Variants in CASP14 observed in about 807,000 individuals in gnomAD.
CASP14 encodes caspase 14.
In CASP14, 27 loss-of-function variants were observed where a neutral mutation model predicts 28.4. The observed-to-expected ratio is 0.95, with a 90% CI of 0.70 to 1.31. CASP14 has a LOEUF of 1.31. CASP14 is among the 50% of genes most tolerant of loss of function. The pLI, the probability that CASP14 is intolerant of heterozygous loss-of-function variation, is 0.00. For missense variants in CASP14, 323 were observed against 312.8 expected (o/e 1.03, Z -0.25); for synonymous variants, 115 against 118.6 (o/e 0.97, Z 0.20).
chr19:15,053,525 G>C lies in CASP14; in HGVS notation c.71G>C (p.Cys24Ser). 1.2e-6 allele frequency: 2 copies of C among 1,614,118 alleles called. No individual in the cohort carries two copies. The highest frequency in any genetic ancestry group is 2.7e-5 in the African/African-American group (2 of 75,022). Residue 24 changes from cysteine (C) to serine (S), a missense_variant, in exon 3 of 7, where the codon TGT (cysteine) becomes TCT (serine). Physicochemically the swap from Cys to Ser is moderately radical, Grantham distance 112 (BLOSUM62 -1). Transcript: ENST00000427043. ...GGTGCCCGCCTGGCCCTAATACTGT[G>C]TGTCACCAAAGCCCGGGAAGGTTCC... Reference protein sequence around the residue: ...MSGARLALILCVTKAREGSEE... With the variant: ...MSGARLALILSVTKAREGSEE...
At chr19:15,054,341 G>A (rs2046105768) in intron 4 of CASP14, among the ~76,000 whole-genome samples, 1 of 152,214 alleles carries the variant, frequency 6.6e-6, no homozygotes, top group Non-Finnish European at 1.5e-5. Flanking sequence ...ACTTTGGGAG[G>A]CCCAGGCGGG....
At chr19:15,054,655 T>C (rs998908893) in intron 4 of CASP14, among the ~76,000 whole-genome samples, 56 of 151,980 alleles carry the variant, frequency 3.7e-4, no homozygotes, top group African/African-American at 1.2e-3. Flanking sequence ...TTTTTTTTTT[T>C]TTTTAGACGG....
rs1177379407 is a variant in CASP14, at chr19:15,055,138, T to C, written c.404-20T>C. ...TACCTTTCTCTCTGACTTTGCCTCC[T>C]CCTCTTCTTGTTGTTTCAGAACAAA... On this transcript the variant is annotated intron_variant, in intron 4 of 6. Transcript: ENST00000427043. 1 of 1,599,850 alleles carries C rather than the reference T, an allele frequency of 6.3e-7. No homozygotes were observed. Among genetic ancestry groups the C allele is most frequent in the South Asian group, 1.1e-5 (1 of 90,778 alleles).
intron 5 of CASP14, 71 bp from the exon 6 acceptor site, chr19:15,055,359 C>A: frequency 6.4e-7 from 1 of 1,553,736 alleles, no homozygotes; most frequent in Non-Finnish European, 8.9e-7. Context: ...CCTCCAGGAC[C>A]CACGCCCTTC....
Position 15,058,072 on chromosome 19 carries a change from A to T in CASP14, c.*1983A>T, listed in dbSNP as rs2046125688. 1 of 152,068 alleles carries T rather than the reference A, an allele frequency of 6.6e-6. No homozygotes were observed. The highest frequency in any genetic ancestry group is 1.5e-5 in the Non-Finnish European group (1 of 68,032). 9.4% of individuals were successfully genotyped at this position (152,068 alleles called of 1,614,324 possible). On this transcript the variant is annotated 3_prime_UTR_variant, in exon 7 of 7. Coordinates refer to ENST00000427043, the MANE Select transcript of CASP14 (RefSeq NM_012114.3). ...TCACCCTTGCCTCTAAGCCTTTGCT[A>T]TCACCATTTCCCCCAAGCTGGAGGG...
rs534194955 is a variant in CASP14, at chr19:15,056,389, G to A, written c.*300G>A. 169 of 249,694 alleles carry A rather than the reference G, an allele frequency of 6.8e-4. 1 individual carries two copies. Among genetic ancestry groups the A allele is most frequent in the African/African-American group, 3.6e-3 (165 of 45,562 alleles). 15.5% of individuals were successfully genotyped at this position (249,694 alleles called of 1,614,324 possible). On this transcript the variant is annotated 3_prime_UTR_variant, in exon 7 of 7. Transcript: ENST00000427043. ...CACTTATCCCACTTTCTGTTCCTGT[G>A]GTCTTCTTTCTCCCATGAAGCAGAA... is the stretch of plus-strand genomic sequence containing the variant.
rs1414188410 is a variant in CASP14, at chr19:15,056,220, C to T, written c.*131C>T. On this transcript the variant is annotated 3_prime_UTR_variant, in exon 7 of 7. Coordinates refer to ENST00000427043, the MANE Select transcript of CASP14 (RefSeq NM_012114.3). Reference sequence around the variant, plus strand: ...ATGGCACCCAGTTTCTTTTCCATCACACCCTTCATGCAGGTCCTCCTGTCC... The same window carrying T: ...ATGGCACCCAGTTTCTTTTCCATCATACCCTTCATGCAGGTCCTCCTGTCC... 7.2e-6 allele frequency: 5 copies of T among 695,914 alleles called. No individual in the cohort carries two copies. Among genetic ancestry groups the T allele is most frequent in the Non-Finnish European group, 1.2e-5 (5 of 400,476 alleles). 43.1% of individuals were successfully genotyped at this position (695,914 alleles called of 1,614,324 possible).
chr19:15,055,226 A>G lies in CASP14; in HGVS notation c.472A>G (p.Thr158Ala). 1 of 1,614,016 alleles carries G rather than the reference A, an allele frequency of 6.2e-7. No individual in the cohort carries two copies. The highest frequency in any genetic ancestry group is 2.2e-5 in the East Asian group (1 of 44,862). The change falls in exon 5 of 7, where the codon ACC becomes GCC. Residue 158 changes from threonine to alanine, a missense_variant. Physicochemically the swap from Thr to Ala is moderately conservative, Grantham distance 58. Coordinates refer to ENST00000427043, the MANE Select transcript of CASP14 (RefSeq NM_012114.3). ...IVMVIKDSPQ[T>A]IPTYTDALHV... ...GATGGTCATCAAAGACAGCCCACAA[A>G]CCATCCCAACATACACAGATGCCTT...
intron 1 of CASP14, among the ~76,000 whole-genome samples, chr19:15,050,796 G>A (rs2046087088): frequency 6.6e-6 from 1 of 151,246 alleles, no homozygotes; most frequent in African/African-American, 2.4e-5. Flanking sequence ...ATTAATAGAT[G>A]GGTAGACAGA....
At position 15,056,225 on chromosome 19, in the gene CASP14, T is replaced by G; in HGVS notation, c.*136T>G. The G allele has an allele frequency of 1.5e-6, 1 of 658,604 alleles. No individual in the cohort carries two copies. The allele number at this position is 658,604 out of a possible 1,614,324, so 40.8% of individuals were successfully genotyped here. The stretch of plus-strand genomic sequence containing the variant: ...ACCCAGTTTCTTTTCCATCACACCC[T>G]TCATGCAGGTCCTCCTGTCCTTATT... On this transcript the variant is annotated 3_prime_UTR_variant, in exon 7 of 7. Transcript: ENST00000427043.
At chr19:15,054,109 T>C (rs2046104808) in intron 4 of CASP14, 151 bp downstream of exon 4, 6 of 648,628 alleles carry the variant, frequency 9.3e-6, no homozygotes, top group East Asian at 8.3e-5. Context: ...CTCAGCCTCC[T>C]GAGTAGCTGA....
At position 15,053,831 on chromosome 19, in the gene CASP14, A is replaced by G. The variant is rs889493825; in HGVS notation, c.276A>G (p.Glu92=). ...TGGTACTCATGGCTCACGGGAGGGA[A>G]GGCTTCCTCAAGGGAGAAGATGGGG... ...AFVVLMAHGR[E]GFLKGEDGEM... Residue 92 remains glutamate (E), a synonymous_variant, in exon 4 of 7, where the codon GAA becomes GAG. Transcript: ENST00000427043. The G allele has an allele frequency of 1.2e-6, 2 of 1,614,134 alleles. No individual in the cohort carries two copies. Among genetic ancestry groups the G allele is most frequent in the Non-Finnish European group, 8.5e-7 (1 of 1,180,030 alleles).
rs574250955 is a variant in CASP14 at position 15,053,252 on chromosome 19, T to C, written c.28-230T>C. On this transcript the variant is annotated intron_variant, in intron 2 of 6. Transcript: ENST00000427043. ...CCTCCAAAGTAGCTGGGACCACAGA[T>C]GCACAGCAGCACACCCAGCTATATT... Among the ~76,000 whole-genome samples, 24 of 152,116 alleles carry C rather than the reference T, an allele frequency of 1.6e-4. 1 individual carries two copies. Among genetic ancestry groups the C allele is most frequent in the Admixed American group, 1.1e-3 (17 of 15,286 alleles).
At chr19:15,050,035 A>C (rs533145783) in intron 1 of CASP14, among the ~76,000 whole-genome samples, 64 of 152,266 alleles carry the variant, frequency 4.2e-4, no homozygotes, top group African/African-American at 1.4e-3. Flanking sequence ...GAGCTGTGAG[A>C]GTCCAGAGAA....
At chr19:15,052,606 G>A (rs547832787) in intron 2 of CASP14, among the ~76,000 whole-genome samples, 60 of 152,244 alleles carry the variant, frequency 3.9e-4, no homozygotes, top group South Asian at 3.3e-3. Flanking sequence ...TGCTCAGTAC[G>A]CTGCTTCTGT....
chr19:15,053,947 C>A lies in CASP14; in HGVS notation c.392C>A (p.Ala131Asp). 1 of 1,613,316 alleles carries A rather than the reference C, an allele frequency of 6.2e-7. No individual in the cohort carries two copies. The highest frequency in any genetic ancestry group is 8.5e-7 in the Non-Finnish European group (1 of 1,179,732). ...RAKPKVYIIQ[A>D]CRGEQRDPGE... Reference sequence around the variant, plus strand: ...AAGCCCAAGGTGTACATCATACAGGCCTGTCGAGGAGGTGGGGACAGATCC... The same window carrying A: ...AAGCCCAAGGTGTACATCATACAGGACTGTCGAGGAGGTGGGGACAGATCC... Residue 131 changes from alanine (A) to aspartate (D), a missense_variant, in exon 4 of 7, where the codon GCC (alanine) becomes GAC (aspartate). Ala to Asp is a moderately radical substitution (Grantham distance 126). Coordinates refer to ENST00000427043, the MANE Select transcript of CASP14 (RefSeq NM_012114.3).
In CASP14 at chr19:15,052,271, T is replaced by C; in HGVS notation, c.20T>C (p.Leu7Ser). Residue 7 changes from leucine (L) to serine (S), a missense_variant, in exon 2 of 7, where the codon TTG becomes TCG. Transcript: ENST00000427043. MSNPRSLEEEKYDMSGA... is the reference protein window; with the variant it reads MSNPRSSEEEKYDMSGA... ...GGAGAAATGAGCAATCCGCGGTCTT[T>C]GGAAGAGGTAGGCTGGGTGCAGGTT... The C allele has an allele frequency of 6.3e-7, 1 of 1,591,764 alleles. No individual in the cohort carries two copies. The highest frequency in any genetic ancestry group is 8.5e-7 in the Non-Finnish European group (1 of 1,170,374).
chr19:15,052,938 C>A (rs1198296520), intron 2 of CASP14, among the ~76,000 whole-genome samples: 1 of 152,118 alleles, frequency 6.6e-6, no homozygotes, highest in Non-Finnish European at 1.5e-5. Flanking sequence ...AAAGGACACC[C>A]AATTCAATTT....
In CASP14 at chr19:15,057,342, C is replaced by G. The variant is rs565062924; in HGVS notation, c.*1253C>G. The G allele has an allele frequency of 6.6e-6, 1 of 152,416 alleles. No homozygotes were observed. Among genetic ancestry groups the G allele is most frequent in the South Asian group, 2.1e-4 (1 of 4,830 alleles). 9.4% of individuals were successfully genotyped at this position (152,416 alleles called of 1,614,324 possible). ...TCTGCAGTCAATCTATGACCCCTCTCTTCTTGCATCCTTCATATGCCACCA... is the reference window on the plus strand; with the variant it reads ...TCTGCAGTCAATCTATGACCCCTCTGTTCTTGCATCCTTCATATGCCACCA... On this transcript the variant is annotated 3_prime_UTR_variant, in exon 7 of 7. Transcript: ENST00000427043.
Sources: allele counts gnomAD v4.1 joint callset (sites outside exome capture counted in the v4.1 genomes callset), GRCh38; gene constraint gnomAD v4.1.1; transcripts MANE v1.5; gene names NCBI Gene and HGNC (gene_info 2026-07-23, HGNC 2026-07-21).